Variants in ALG13 observed in about 807,000 individuals in gnomAD.
ALG13 encodes the protein ALG13 UDP-N-acetylglucosaminyltransferase subunit, also known as UDP-N-acetylglucosamine transferase subunit ALG13.
ALG13 carries 11 observed loss-of-function variants against 87.8 expected under a neutral mutation model. The ratio of observed to expected loss-of-function variants is 0.13; its 90% CI spans 0.08 to 0.21. The LOEUF is 0.21. Among genes scored for constraint, ALG13 ranks in the 10% least tolerant of loss-of-function variants. The pLI is 1.00. For missense variants in ALG13, 756 were observed against 866.1 expected, an observed-to-expected ratio of 0.87 and a Z score of 1.60; for synonymous variants, 320 against 306.3, an observed-to-expected ratio of 1.04 and a Z score of -0.47.
intron 24 of ALG13, among the ~76,000 whole-genome samples, chrX:111,747,736 C>T (rs1425673735): frequency 2.7e-5 from 3 of 112,059 alleles, no homozygotes; most frequent in South Asian, 3.7e-4. Context: ...CCACCCACCT[C>T]GGCCTCCTGA....
At chrX:111,703,173 T>A (rs1198071032) in intron 3 of ALG13, among the ~76,000 whole-genome samples, 1 of 109,239 alleles carries the variant, frequency 9.2e-6, no homozygotes, top group African/African-American at 3.4e-5. Context: ...AGTGCTAGAA[T>A]TTTTTTATAT....
chrX:111,718,929 G>T (rs191205132), intron 10 of ALG13, among the ~76,000 whole-genome samples: 1 of 111,556 alleles, frequency 9.0e-6, no homozygotes, highest in African/African-American at 3.3e-5. Flanking sequence ...AGTTCTGCCT[G>T]CAAATTCAGA....
In ALG13 at chrX:111,713,210, G is replaced by A; in HGVS notation, c.933-15G>A. The A allele has an allele frequency of 8.6e-7, 1 of 1,156,094 alleles. No individual in the cohort carries two copies. Reference sequence around the variant, plus strand: ...AAATTATGTCTTCCCACTTACCTTTGTTTTCCCCATATAGTCGGGATTTCA... The same window carrying A: ...AAATTATGTCTTCCCACTTACCTTTATTTTCCCCATATAGTCGGGATTTCA... On this transcript the variant is annotated splice_polypyrimidine_tract_variant and intron_variant, in intron 7 of 26. Coordinates refer to ENST00000394780, the MANE Select transcript of ALG13 (RefSeq NM_001099922.3).
At chrX:111,720,799 G>A (rs998814847) in intron 11 of ALG13, among the ~76,000 whole-genome samples, 8 of 110,915 alleles carry the variant, frequency 7.2e-5, no homozygotes, top group African/African-American at 2.3e-4. Context: ...TGATTGTAGA[G>A]TACAGAAATA....
chrX:111,703,538 A>G (rs918186385), intron 3 of ALG13, among the ~76,000 whole-genome samples: 22 of 111,535 alleles, frequency 2.0e-4, no homozygotes, highest in African/African-American at 6.8e-4. Flanking sequence ...CAGCCCTTCA[A>G]CCCTAACTAC....
Position 111,736,801 on chromosome X carries a change from G to C in ALG13, c.2617G>C (p.Ala873Pro), listed in dbSNP as rs142841538. ...VLSNGAAANQ[A>P]ISTTSVSSQN... ...ATCTAACGGTGCAGCGGCTAATCAA[G>C]CTATTAGTACCACTTCAGTTTCCTC... The change falls in exon 23 of 27, where the codon GCT becomes CCT. Residue 873 changes from alanine to proline, a missense_variant. Physicochemically the swap from Ala to Pro is conservative, Grantham distance 27 (BLOSUM62 -1). Transcript: ENST00000394780. The C allele has an allele frequency of 2.1e-3, 2,553 of 1,208,505 alleles. 3 individuals are homozygous for C. The highest frequency in any genetic ancestry group is 2.2e-3 in the Non-Finnish European group (1,944 of 894,233).
intron 8 of ALG13, among the ~76,000 whole-genome samples, chrX:111,713,830 C>T (rs1940171223): frequency 8.9e-6 from 1 of 112,094 alleles, no homozygotes; most frequent in Non-Finnish European, 1.9e-5. Context: ...ACAGTGTCTA[C>T]TACTGCCTGG....
At chrX:111,723,688 G>A (rs1056709837) in intron 13 of ALG13, 110 bp from the exon 14 acceptor site, 4 of 473,284 alleles carry the variant, frequency 8.5e-6, no homozygotes, top group Admixed American at 9.0e-5. Context: ...GTGTTGATAC[G>A]AATTACTTTA....
At chrX:111,709,679 CCTTTT>C (rs1440079641) in intron 5 of ALG13, among the ~76,000 whole-genome samples, 2 of 105,987 alleles carry the variant, frequency 1.9e-5, no homozygotes, top group Non-Finnish European at 3.8e-5. Flanking sequence ...TTGGAGGCTT[CCTTTT>C]CTTTTTTTTT....
At chrX:111,689,403 CAAATG>C (rs1935725947) in intron 3 of ALG13, 9 of 751,267 alleles carry the variant, frequency 1.2e-5, no homozygotes, top group Admixed American at 8.8e-5. Flanking sequence ...TAAAGAGAAA[CAAATG>C]AAAGGCAAGG....
chrX:111,760,107 T>C lies in ALG13; in HGVS notation c.*108T>C. On this transcript the variant is annotated 3_prime_UTR_variant, in exon 27 of 27. Transcript: ENST00000394780. ...TGATTTAGGTGATTAGTGTTTACTA[T>C]TGTATTTGTCTTTAAAATTATTTTA... 1.2e-6 allele frequency: 1 copy of C among 819,350 alleles called. No homozygotes were observed. Among genetic ancestry groups the C allele is most frequent in the South Asian group, 3.0e-5 (1 of 33,522 alleles). The allele number at this position is 819,350 out of a possible 1,213,427, so 67.5% of individuals were successfully genotyped here.
chrX:111,756,119 A>C (rs988349719), intron 25 of ALG13, among the ~76,000 whole-genome samples: 2 of 112,139 alleles, frequency 1.8e-5, no homozygotes, highest in African/African-American at 6.5e-5. Context: ...TTGTAGGGAC[A>C]TGGATGAAGC....
chrX:111,688,948 A>C (rs1954152349), intron 3 of ALG13: 1 of 739,744 alleles, frequency 1.4e-6, no homozygotes, highest in Admixed American at 8.8e-5. Flanking sequence ...TTTATCTATC[A>C]AAATAGAACA....
At chrX:111,751,169 A>G (rs1340081813) in intron 24 of ALG13, among the ~76,000 whole-genome samples, 2 of 106,703 alleles carry the variant, frequency 1.9e-5, no homozygotes, top group African/African-American at 3.5e-5. Flanking sequence ...CCCAGGTTCA[A>G]GTGATTCTCC....
At chrX:111,733,611 G>C (rs989666166) in intron 21 of ALG13, among the ~76,000 whole-genome samples, 3 of 111,728 alleles carry the variant, frequency 2.7e-5, no homozygotes, top group Non-Finnish European at 5.6e-5. Context: ...ATATGTGCTA[G>C]TATCTGTTTT....
intron 25 of ALG13, among the ~76,000 whole-genome samples, chrX:111,756,743 C>T (rs1293417791): frequency 8.9e-6 from 1 of 112,057 alleles, no homozygotes. Flanking sequence ...ACACTGATTT[C>T]CCTGAAGCTT....
intron 3 of ALG13, among the ~76,000 whole-genome samples, chrX:111,691,372 A>AAT (rs1936119613): frequency 9.0e-6 from 1 of 111,486 alleles, no homozygotes; most frequent in Non-Finnish European, 1.9e-5. Context: ...AAGTGCTGGG[A>AAT]TTACAGGCGT....
intron 10 of ALG13, among the ~76,000 whole-genome samples, chrX:111,718,901 T>C (rs952275137): frequency 1.8e-5 from 2 of 112,284 alleles, no homozygotes; most frequent in African/African-American, 6.5e-5. Context: ...ACATGTCTTA[T>C]ATTTCTTCCT....
At chrX:111,725,184 T>C (rs773769024) in intron 15 of ALG13, 123 bp downstream of exon 15, 14 of 829,436 alleles carry the variant, frequency 1.7e-5, no homozygotes, top group Non-Finnish European at 2.4e-5. Context: ...TTCTCAACTT[T>C]AGCATTACTG....
Sources: allele counts gnomAD v4.1 joint callset (sites outside exome capture counted in the v4.1 genomes callset), GRCh38; gene constraint gnomAD v4.1.1; transcripts MANE v1.5; gene names NCBI Gene and HGNC (gene_info 2026-07-23, HGNC 2026-07-21).